The following HPSE2 variants were observed in gnomAD, a reference collection of about 807,000 sequenced individuals.
The protein encoded by HPSE2 is heparanase 2 (inactive).
Under a neutral mutation model 60.5 loss-of-function variants are expected in HPSE2, and 38 were observed. That is an observed-to-expected ratio of 0.63 (90% CI 0.48 to 0.82). HPSE2 has a LOEUF of 0.82. HPSE2 is among the 40% of genes least tolerant of loss of function. HPSE2 has a pLI of 0.00. For synonymous variants in HPSE2, 295 were observed against 293.2 expected, an observed-to-expected ratio of 1.01 and a Z score of -0.06; for missense variants, 713 against 740.4, an observed-to-expected ratio of 0.96 and a Z score of 0.43.
intron 3 of HPSE2, among the ~76,000 whole-genome samples, chr10:98,860,914 G>C (rs879892362): frequency 5.3e-5 from 8 of 152,150 alleles, no homozygotes; most frequent in South Asian, 2.1e-4. Context: ...CCAACCTTAG[G>C]CACATACATA....
rs370691982 is a variant in HPSE2 at position 99,144,533 on chromosome 10, C to T, written c.449-134G>A. 6 of 911,530 alleles carry T rather than the reference C, an allele frequency of 6.6e-6. No homozygotes were observed. The African/African-American group carries it at 1.0e-4, about 15-fold the overall frequency. 56.5% of individuals were successfully genotyped at this position (911,530 alleles called of 1,614,324 possible). Reference sequence around the variant, plus strand: ...GCATTTTCATCAACCTAAAGAGATGCAGAAGTAATCAGAAGGCTCTCCAAC... The same window carrying T: ...GCATTTTCATCAACCTAAAGAGATGTAGAAGTAATCAGAAGGCTCTCCAAC... On this transcript the variant is annotated intron_variant, in intron 2 of 11. Transcript: ENST00000370552.
chr10:99,229,078 G>A (rs1234781221), intron 2 of HPSE2, among the ~76,000 whole-genome samples: 1 of 151,826 alleles, frequency 6.6e-6, no homozygotes, highest in Non-Finnish European at 1.5e-5. Context: ...AAGAGGCTGA[G>A]GCACGAAAAT....
Position 99,126,083 on chromosome 10 carries a change from C to G in HPSE2, c.610+18155G>C, listed in dbSNP as rs1367547180. Among the ~76,000 whole-genome samples, 1 of 152,120 alleles carries G rather than the reference C, an allele frequency of 6.6e-6. No homozygotes were observed. On this transcript the variant is annotated intron_variant, in intron 3 of 11. Coordinates refer to ENST00000370552, the MANE Select transcript of HPSE2 (RefSeq NM_021828.5). The surrounding 1 kb of genome is among the most constrained non-coding windows in gnomAD (Gnocchi z 4.0). ...CTGAAATCTGTGCTTGCTTTCTCAG[C>G]AGGGAAGCTTACGACCTGGTGCAAG... is the stretch of plus-strand genomic sequence containing the variant.
intron 5 of HPSE2, among the ~76,000 whole-genome samples, chr10:98,721,133 T>A (rs1336509): frequency 0.95 from 143,909 of 152,130 alleles, 68,561 homozygotes; most frequent in East Asian, 1. Flanking sequence ...GCGTGATTTT[T>A]AAAAATGATT....
chr10:99,014,244 G>C (rs1166753750), intron 3 of HPSE2, among the ~76,000 whole-genome samples: 1 of 152,204 alleles, frequency 6.6e-6, no homozygotes, highest in East Asian at 1.9e-4. Context: ...AGTTTGCTAA[G>C]GATAATGGCC....
intron 2 of HPSE2, among the ~76,000 whole-genome samples, chr10:99,226,148 C>T (rs1849465370): frequency 2.0e-5 from 3 of 151,906 alleles, no homozygotes; most frequent in Non-Finnish European, 4.4e-5. Flanking sequence ...CAAATATATA[C>T]GAGGATTTGC....
intron 3 of HPSE2, among the ~76,000 whole-genome samples, chr10:98,867,108 C>A (rs536657781): frequency 6.6e-6 from 1 of 152,008 alleles, no homozygotes; most frequent in Non-Finnish European, 1.5e-5. Flanking sequence ...GACACACAGA[C>A]GATGAAGTGA....
intron 3 of HPSE2, among the ~76,000 whole-genome samples, chr10:99,005,267 T>TCTC (rs3979230): frequency 0.77 from 116,195 of 151,608 alleles, 44,853 homozygotes; most frequent in East Asian, 0.86. Context: ...GTCTTTCTCT[T>TCTC]CTTGAAATCC....
intron 5 of HPSE2, among the ~76,000 whole-genome samples, chr10:98,717,738 T>C (rs1210760341): frequency 5.3e-5 from 8 of 151,932 alleles, no homozygotes; most frequent in African/African-American, 1.5e-4. Context: ...CCATAATAGA[T>C]ATAATAATAA....
intron 3 of HPSE2, among the ~76,000 whole-genome samples, chr10:99,104,625 C>A (rs191994793): frequency 1.3e-5 from 2 of 152,208 alleles, no homozygotes; most frequent in East Asian, 1.9e-4. Flanking sequence ...TTGTTTATTG[C>A]GGCACTCTTC....
intron 3 of HPSE2, among the ~76,000 whole-genome samples, chr10:99,017,745 T>C (rs942032287): frequency 2.0e-5 from 3 of 152,202 alleles, no homozygotes; most frequent in African/African-American, 4.8e-5. Context: ...TGGGACTCTT[T>C]ACTCCTAAGA....
chr10:98,936,919 C>T (rs878931831), intron 3 of HPSE2, among the ~76,000 whole-genome samples: 1 of 112,850 alleles, frequency 8.9e-6, no homozygotes, highest in East Asian at 2.6e-4. Context: ...GCGGAGGTTG[C>T]AGTGAGCTGA....
chr10:99,089,320 C>T (rs1265458380), intron 3 of HPSE2, among the ~76,000 whole-genome samples: 1 of 151,992 alleles, frequency 6.6e-6, no homozygotes, highest in Non-Finnish European at 1.5e-5. Context: ...TAGATTTAAG[C>T]CTTTGATTCA....
chr10:99,227,688 A>G (rs1446543748), intron 2 of HPSE2, among the ~76,000 whole-genome samples: 2 of 151,674 alleles, frequency 1.3e-5, no homozygotes, highest in African/African-American at 4.8e-5. Flanking sequence ...CATACACCCA[A>G]GAAAATTTGC....
chr10:98,646,011 A>C (rs1015820236), intron 6 of HPSE2, among the ~76,000 whole-genome samples: 1 of 152,110 alleles, frequency 6.6e-6, no homozygotes, highest in African/African-American at 2.4e-5. Flanking sequence ...AGAAAAACCC[A>C]TAGGGTATGA....
At chr10:98,568,118 T>G (rs1325765780) in intron 9 of HPSE2, among the ~76,000 whole-genome samples, 1 of 152,226 alleles carries the variant, frequency 6.6e-6, no homozygotes, top group Non-Finnish European at 1.5e-5. Context: ...GACTTTCTAC[T>G]GTGCCCTGAT....
chr10:98,782,514 G>A (rs1411926055), intron 3 of HPSE2, among the ~76,000 whole-genome samples: 1 of 142,830 alleles, frequency 7.0e-6, no homozygotes, highest in Non-Finnish European at 1.5e-5. Flanking sequence ...TATGTGGAAG[G>A]AGAGAAGACA....
At position 98,939,247 on chromosome 10, in the gene HPSE2, T is replaced by A. The variant is rs1280254888; in HGVS notation, c.611-195191A>T. On this transcript the variant is annotated intron_variant, in intron 3 of 11. Transcript: ENST00000370552. The stretch of plus-strand genomic sequence containing the variant: ...TCACACATAACAATATTAACTTTAA[T>A]TGTAAATGGATTAAATGCTCCAATT... Among the ~76,000 whole-genome samples the A allele has an allele frequency of 2.1e-5, 3 of 143,732 alleles. 1 individual carries two copies. Among genetic ancestry groups the A allele is most frequent in the Non-Finnish European group, 4.5e-5 (3 of 67,162 alleles). The allele number at this position is 143,732 out of a possible 152,430, so 94.3% of individuals were successfully genotyped here.
intron 3 of HPSE2, among the ~76,000 whole-genome samples, chr10:98,979,171 T>C (rs1956152833): frequency 6.6e-6 from 1 of 152,012 alleles, no homozygotes; most frequent in Non-Finnish European, 1.5e-5. Context: ...TAAACCTCCT[T>C]CAGGCACCAG....
Sources: gnomAD v4.1 joint callset for allele counts (sites outside exome capture counted in the v4.1 genomes callset) on GRCh38, gnomAD v4.1.1 for gene constraint, Gnocchi (gnomAD v3.1) non-coding constraint, MANE v1.5 for transcripts, NCBI Gene and HGNC (gene_info 2026-07-23, HGNC 2026-07-21) for gene names.